CFAP299: variants seen among roughly 807,000 people sequenced by gnomAD.
The protein encoded by CFAP299 is cilia- and flagella-associated protein 299.
A neutral mutation model predicts 27.0 loss-of-function variants in CFAP299; 21 were observed. That is an observed-to-expected ratio of 0.78 (90% confidence interval 0.55 to 1.12). The LOEUF (loss-of-function observed/expected upper bound fraction) is 1.12. Among genes scored for constraint, CFAP299 ranks in the 50% most tolerant of loss-of-function variants. CFAP299 has a pLI of 0.00. For missense variants in CFAP299, 310 were observed against 276.6 expected (o/e 1.12, Z -0.86); for synonymous variants, 104 against 98.1 (o/e 1.06, Z -0.36).
At chr4:80,590,509 G>A (rs924246354) in intron 3 of CFAP299, among the ~76,000 whole-genome samples, 1 of 151,936 alleles carries the variant, frequency 6.6e-6, no homozygotes, top group East Asian at 1.9e-4. Context: ...GTGGTGGCGG[G>A]TGCCTGTAAC....
intron 3 of CFAP299, among the ~76,000 whole-genome samples, chr4:80,598,030 C>G (rs1737146042): frequency 6.6e-6 from 1 of 152,152 alleles, no homozygotes; most frequent in South Asian, 2.1e-4. Flanking sequence ...CATTGAGATA[C>G]CCATTGCACA....
intron 2 of CFAP299, among the ~76,000 whole-genome samples, chr4:80,390,710 T>A: frequency 7.0e-6 from 1 of 142,982 alleles, no homozygotes; most frequent in Non-Finnish European, 1.5e-5. Flanking sequence ...TATGTATATA[T>A]GTATACACAC....
At chr4:80,338,285 T>C (rs1465596873) in intron 1 of CFAP299, among the ~76,000 whole-genome samples, 1 of 152,216 alleles carries the variant, frequency 6.6e-6, no homozygotes, top group African/African-American at 2.4e-5. Context: ...TAATTATCAT[T>C]TTTTTGTGGT....
rs1399792187 is a variant in CFAP299 at position 80,362,100 on chromosome 4, GC to G, written c.112-652del. On this transcript the variant is annotated intron_variant, in intron 1 of 5. Coordinates refer to ENST00000358105, the MANE Select transcript of CFAP299 (RefSeq NM_152770.3). ...ATTCTTAAAGTAAGAAAAGTGTAAG[GC>G]CTAAAATACTGGGAAGTTTTTTTTT... Among the ~76,000 whole-genome samples, 3 of 139,584 alleles carry G rather than the reference GC, an allele frequency of 2.1e-5. No individual in the cohort carries two copies. In the East Asian group the frequency reaches 6.1e-4, roughly 29 times the overall value. 91.6% of individuals were successfully genotyped at this position (139,584 alleles called of 152,430 possible).
At chr4:80,485,874 AC>A (rs1730794959) in intron 2 of CFAP299, among the ~76,000 whole-genome samples, 1 of 152,190 alleles carries the variant, frequency 6.6e-6, no homozygotes, top group Non-Finnish European at 1.5e-5. Flanking sequence ...TGCCTTAGCC[AC>A]TAATAATCTA....
At chr4:80,447,950 T>A (rs187171493) in intron 2 of CFAP299, among the ~76,000 whole-genome samples, 1 of 152,336 alleles carries the variant, frequency 6.6e-6, no homozygotes, top group Non-Finnish European at 1.5e-5. Context: ...CTCCTTAGCA[T>A]GGCACACAAG....
intron 3 of CFAP299, among the ~76,000 whole-genome samples, chr4:80,746,693 A>G (rs577627184): frequency 6.6e-6 from 1 of 152,180 alleles, no homozygotes; most frequent in Non-Finnish European, 1.5e-5. Context: ...ACAGTCAAGC[A>G]ATAGTTAATT....
At chr4:80,337,714 T>G (rs990294176) in intron 1 of CFAP299, among the ~76,000 whole-genome samples, 4 of 152,146 alleles carry the variant, frequency 2.6e-5, no homozygotes, top group South Asian at 4.1e-4. Flanking sequence ...TCAGAATTCA[T>G]TAAAGGTTTC....
intron 3 of CFAP299, among the ~76,000 whole-genome samples, chr4:80,655,349 A>C (rs1347036699): frequency 6.6e-6 from 1 of 152,190 alleles, no homozygotes; most frequent in Non-Finnish European, 1.5e-5. Flanking sequence ...GCTATCGTCT[A>C]TTGCTGCCGG....
At chr4:80,556,837 T>A (rs987526256) in intron 2 of CFAP299, among the ~76,000 whole-genome samples, 2 of 152,066 alleles carry the variant, frequency 1.3e-5, no homozygotes, top group Non-Finnish European at 2.9e-5. Flanking sequence ...TAAGACAGCA[T>A]GAGGCCAAGT....
At chr4:80,807,616 T>G (rs1454438929) in intron 3 of CFAP299, among the ~76,000 whole-genome samples, 4 of 152,086 alleles carry the variant, frequency 2.6e-5, no homozygotes, top group African/African-American at 9.7e-5. Context: ...TCTGGTACCT[T>G]TCAACCCTAG....
At chr4:80,959,993 G>A (rs1410795570) in intron 5 of CFAP299, among the ~76,000 whole-genome samples, 5 of 151,542 alleles carry the variant, frequency 3.3e-5, no homozygotes, top group Non-Finnish European at 7.4e-5. Flanking sequence ...TGAGGAAACT[G>A]TTCTTTGAAT....
intron 2 of CFAP299, among the ~76,000 whole-genome samples, chr4:80,367,228 A>G (rs1473422607): frequency 1.3e-5 from 2 of 152,232 alleles, no homozygotes; most frequent in Non-Finnish European, 2.9e-5. Context: ...CAAAAAGACA[A>G]TTGCAATGGA....
chr4:80,892,905 AG>A (rs1418731718), intron 4 of CFAP299, among the ~76,000 whole-genome samples: 2 of 152,104 alleles, frequency 1.3e-5, no homozygotes, highest in African/African-American at 2.4e-5. Flanking sequence ...AAGAAATTAA[AG>A]GCTTCCAAAT....
intron 2 of CFAP299, among the ~76,000 whole-genome samples, chr4:80,486,946 G>C (rs1259619430): frequency 6.6e-6 from 1 of 152,236 alleles, no homozygotes; most frequent in Non-Finnish European, 1.5e-5. Context: ...ATGCACAGTA[G>C]TGTGGCTCAA....
At chr4:80,702,384 A>C (rs967291339) in intron 3 of CFAP299, among the ~76,000 whole-genome samples, 4 of 151,912 alleles carry the variant, frequency 2.6e-5, no homozygotes, top group Non-Finnish European at 5.9e-5. Context: ...TAGAAATGCA[A>C]ATAAATAAAT....
chr4:80,444,528 A>T (rs571729697), intron 2 of CFAP299, among the ~76,000 whole-genome samples: 3 of 152,162 alleles, frequency 2.0e-5, no homozygotes, highest in African/African-American at 7.2e-5. Context: ...AAAAATTAAT[A>T]TAAGATGGAT....
intron 2 of CFAP299, among the ~76,000 whole-genome samples, chr4:80,468,225 T>C (rs1374072744): frequency 6.8e-6 from 1 of 147,860 alleles, no homozygotes. Flanking sequence ...TATAATTTCT[T>C]TTTTTTTTTT....
chr4:80,892,992 C>T (rs1166803707), intron 4 of CFAP299, among the ~76,000 whole-genome samples: 1 of 151,222 alleles, frequency 6.6e-6, no homozygotes, highest in Non-Finnish European at 1.5e-5. Context: ...AAGATTCCAT[C>T]GAGAAAATTA....
Sources: allele counts gnomAD v4.1 joint callset (sites outside exome capture counted in the v4.1 genomes callset), GRCh38; gene constraint gnomAD v4.1.1; transcripts MANE v1.5; gene names NCBI Gene and HGNC (gene_info 2026-07-23, HGNC 2026-07-21).